Variants in ABR observed in about 807,000 individuals in gnomAD.
ABR encodes active breakpoint cluster region-related protein.
ABR carries 35 observed loss-of-function variants against 107.2 expected under a neutral mutation model. That is an observed-to-expected ratio of 0.33 (90% confidence interval 0.25 to 0.43). The LOEUF (loss-of-function observed/expected upper bound fraction) is 0.43. Among genes scored for constraint, ABR ranks in the 20% least tolerant of loss-of-function variants. The pLI is 1.00. For missense variants in ABR, 815 were observed against 1,115.2 expected (o/e 0.73, Z 3.83); for synonymous variants, 498 against 462.0 (o/e 1.08, Z -1.00).
At chr17:1,180,132 G>A (rs1223707403), upstream of ABR, among the ~76,000 whole-genome samples, 2 of 151,534 alleles carry the variant, frequency 1.3e-5, no homozygotes, top group Non-Finnish European at 2.9e-5. Context: ...GGCTAAGGGG[G>A]CAGCGGGGCT....
At chr17:1,091,883 C>T (rs775329404) in intron 3 of ABR, 33 bp from the exon 4 acceptor site, 17 of 1,589,520 alleles carry the variant, frequency 1.1e-5, no homozygotes, top group Middle Eastern at 1.7e-4. Flanking sequence ...GAGCAGAGGT[C>T]GGGGGTAAAC....
intron 16 of ABR, chr17:1,031,718 G>A: frequency 3.2e-6 from 4 of 1,246,654 alleles, no homozygotes; most frequent in Non-Finnish European, 4.0e-6. Flanking sequence ...GGCTGCAGTC[G>A]GGCTGGGGCA....
Position 1,057,297 on chromosome 17 carries a change from A to T in ABR, c.1382-195T>A, listed in dbSNP as rs1253121410. 3.2e-5 allele frequency among the ~76,000 whole-genome samples: 4 copies of T among 123,954 alleles called. 1 individual carries two copies. Among genetic ancestry groups the T allele is most frequent in the African/African-American group, 6.2e-5 (2 of 32,446 alleles). The allele number at this position is 123,954 out of a possible 152,430, so 81.3% of individuals were successfully genotyped here. On this transcript the variant is annotated intron_variant, in intron 12 of 22. Coordinates refer to ENST00000302538, the MANE Select transcript of ABR (RefSeq NM_021962.5). ...AGAGGGGTCAGAGTAGGAGAATCTA[A>T]CTGAAGAGGTTTGTGTGTGTGTGTG...
chr17:1,117,770 C>G (rs2039091244), intron 2 of ABR, among the ~76,000 whole-genome samples: 2 of 90,802 alleles, frequency 2.2e-5, no homozygotes, highest in Admixed American at 1.1e-4. Flanking sequence ...CCAGCGTTAT[C>G]CCTGAGCCTG....
chr17:1,120,305 G>GT (rs2039292269), intron 2 of ABR, among the ~76,000 whole-genome samples: 3 of 151,504 alleles, frequency 2.0e-5, no homozygotes, highest in African/African-American at 4.9e-5. Context: ...ATCTCACTCT[G>GT]TCCCCCTGGC....
In ABR at chr17:1,051,954, G is replaced by A. The variant is rs1283516906; in HGVS notation, c.1562-1320C>T. The stretch of plus-strand genomic sequence containing the variant: ...CCCGGCGTGGTGGCACATGCCTGTA[G>A]TCCCAGCTACTCGGGAGGCTGAGGC... On this transcript the variant is annotated intron_variant, in intron 14 of 22. Transcript: ENST00000302538. The surrounding 1 kb of genome is among the most constrained non-coding windows in gnomAD (Gnocchi z 4.3). Among the ~76,000 whole-genome samples, 4 of 152,074 alleles carry A rather than the reference G, an allele frequency of 2.6e-5. No homozygotes were observed. The highest frequency in any genetic ancestry group is 5.9e-5 in the Non-Finnish European group (4 of 68,012).
chr17:1,062,900 T>C (rs2034198054), intron 10 of ABR, among the ~76,000 whole-genome samples: 1 of 143,844 alleles, frequency 7.0e-6, no homozygotes, highest in Non-Finnish European at 1.6e-5. Context: ...GGGCTATGCA[T>C]GTTCCTCTAG....
chr17:1,145,842 G>T (rs2040504882), intron 1 of ABR, among the ~76,000 whole-genome samples: 1 of 152,182 alleles, frequency 6.6e-6, no homozygotes, highest in Admixed American at 6.5e-5. Flanking sequence ...GTCGCCCAAG[G>T]CGTCCACTTG....
At chr17:1,120,420 C>A (rs1295547495) in intron 2 of ABR, among the ~76,000 whole-genome samples, 1 of 152,072 alleles carries the variant, frequency 6.6e-6, no homozygotes, top group Non-Finnish European at 1.5e-5. Context: ...ATTATAGGCA[C>A]CTGCCACCAC....
Position 1,200,348 on chromosome 17 carries a change from G to A in ABR, c.838+28445C>T, listed in dbSNP as rs1021259011. ...AGCCAGGAGTTCAAGACCAGCCTGGGCAACATAGCAAGACACTGTCTCCAT... is the reference window on the plus strand; with the variant it reads ...AGCCAGGAGTTCAAGACCAGCCTGGACAACATAGCAAGACACTGTCTCCAT... On this transcript the variant is annotated intron_variant, in intron 1 of 22. Transcript: ENST00000574139. The surrounding 1 kb of genome is among the most constrained non-coding windows in gnomAD (Gnocchi z 4.1). 6.6e-6 allele frequency among the ~76,000 whole-genome samples: 1 copy of A among 152,146 alleles called. No homozygotes were observed. Among genetic ancestry groups the A allele is most frequent in the Admixed American group, 6.6e-5 (1 of 15,256 alleles).
At chr17:1,039,354 C>T (rs900991959) in intron 16 of ABR, among the ~76,000 whole-genome samples, 1 of 152,192 alleles carries the variant, frequency 6.6e-6, no homozygotes, top group Non-Finnish European at 1.5e-5. Flanking sequence ...TCCAGGCTCC[C>T]AAAATCAGGA....
At chr17:1,042,345 T>C (rs1242283797) in intron 16 of ABR, among the ~76,000 whole-genome samples, 2 of 150,220 alleles carry the variant, frequency 1.3e-5, no homozygotes. Context: ...TAAACAGACG[T>C]GGCACCTACA....
At position 1,179,299 on chromosome 17, in the gene ABR, C is replaced by A. The variant is rs577329962; in HGVS notation, c.61+368G>T. Among the ~76,000 whole-genome samples the A allele has an allele frequency of 6.6e-6, 1 of 152,074 alleles. No homozygotes were observed. Among genetic ancestry groups the A allele is most frequent in the African/African-American group, 2.4e-5 (1 of 41,414 alleles). ...GAAGCTGCCGGTCCAGGGGCGGGGG[C>A]AGCACCCAGAAGGGCCTCCCTCCCC... On this transcript the variant is annotated intron_variant, in intron 1 of 22. Transcript: ENST00000302538. The surrounding 1 kb of genome is among the most constrained non-coding windows in gnomAD (Gnocchi z 4.9).
intron 4 of ABR, among the ~76,000 whole-genome samples, chr17:1,087,034 T>C (rs2036637166): frequency 6.6e-6 from 1 of 152,134 alleles, no homozygotes; most frequent in Non-Finnish European, 1.5e-5. Context: ...TTCATGCCAG[T>C]AGCTGCTTCA....
At chr17:1,022,860 G>A (rs915173762) in intron 16 of ABR, among the ~76,000 whole-genome samples, 3 of 152,226 alleles carry the variant, frequency 2.0e-5, no homozygotes, top group Non-Finnish European at 4.4e-5. Context: ...AGAGAACTTC[G>A]AAGTTCCCCA....
rs370123746 is a variant in ABR, at chr17:1,091,809, G to T, written c.387C>A (p.Pro129=). The T allele has an allele frequency of 6.2e-7, 1 of 1,614,092 alleles. No homozygotes were observed. Residue 129 remains proline, a synonymous_variant, in exon 4 of 23, where the codon CCC becomes CCA. Transcript: ENST00000302538. ...TCTCGATCTGCTGGATGGTGAGCAC[G>T]GGCTGGGAGGTGGTGGCGGTGGCCT... ...PLKATATTSQ[P]VLTIQQIETI...
At chr17:1,028,215 C>T (rs910198621) in intron 16 of ABR, among the ~76,000 whole-genome samples, 239 of 152,046 alleles carry the variant, frequency 1.6e-3, no homozygotes, top group Non-Finnish European at 2.4e-3. Flanking sequence ...CTCAGCCTCC[C>T]TAGCAGCTGG....
chr17:1,227,301 G>A (rs2043240308), intron 1 of ABR, among the ~76,000 whole-genome samples: 1 of 152,186 alleles, frequency 6.6e-6, no homozygotes, highest in Non-Finnish European at 1.5e-5. Flanking sequence ...GACAGATGTG[G>A]GTCTGGGGGG....
Position 1,072,643 on chromosome 17 carries a change from G to A in ABR, c.865C>T (p.Arg289Trp), listed in dbSNP as rs2035335926. The A allele has an allele frequency of 1.2e-6, 2 of 1,611,672 alleles. No homozygotes were observed. Among genetic ancestry groups the A allele is most frequent in the Middle Eastern group, 1.7e-4 (1 of 6,038 alleles). The change falls in exon 8 of 23, where the codon CGG (arginine) becomes TGG (tryptophan). Residue 289 changes from arginine to tryptophan, a missense_variant. By Grantham distance (101) the Arg-to-Trp change is moderately radical. Around this residue, in one of 5 missense-constraint regions of ABR, gnomAD observed 385 missense variants for 596.9 expected, o/e 0.64. Transcript: ENST00000302538. ...CCCTTGGGCGTTGTCACTGCAGTCC[G>A]GCGGGGGTCGATGTCCTCGTTGATG... ...SSINEDIDPRRTAVTTPKGET... is the reference protein window; with the variant it reads ...SSINEDIDPRWTAVTTPKGET...
Sources: allele counts gnomAD v4.1 joint callset (sites outside exome capture counted in the v4.1 genomes callset), GRCh38; gene constraint gnomAD v4.1.1; regional missense constraint gnomAD v4.1.1; non-coding constraint Gnocchi (gnomAD v3.1); transcripts MANE v1.5; gene names NCBI Gene and HGNC (gene_info 2026-07-23, HGNC 2026-07-21).